SRGAP3: variants seen among roughly 807,000 people sequenced by gnomAD.
SRGAP3 encodes the protein SLIT-ROBO Rho GTPase-activating protein 3.
A neutral mutation model predicts 121.1 loss-of-function variants in SRGAP3; 39 were observed. The observed-to-expected ratio is 0.32, with a 90% CI of 0.25 to 0.42. The LOEUF (loss-of-function observed/expected upper bound fraction) is 0.42, where lower values mean the gene tolerates loss of function less well. Ranked by LOEUF, SRGAP3 falls within the 10% of genes least tolerant of loss-of-function variation. SRGAP3 has a pLI of 1.00. For synonymous variants in SRGAP3, 601 were observed against 570.0 expected (o/e 1.05, Z -0.77); for missense variants, 1,213 against 1,470.6 (o/e 0.82, Z 2.86).
At chr3:9,148,266 A>G (rs1950092294) in intron 1 of SRGAP3, among the ~76,000 whole-genome samples, 7 of 146,674 alleles carry the variant, frequency 4.8e-5, no homozygotes, top group Middle Eastern at 6.9e-3. Context: ...AAAACGCCCT[A>G]GAAAAACCAT....
intron 3 of SRGAP3, among the ~76,000 whole-genome samples, chr3:9,281,238 C>G (rs1954671031): frequency 6.6e-6 from 1 of 152,168 alleles, no homozygotes; most frequent in South Asian, 2.1e-4. Context: ...TTTTAAAGAA[C>G]ATCCTACTGG....
chr3:8,986,495 C>A (rs373292714), intron 21 of SRGAP3, among the ~76,000 whole-genome samples: 58 of 152,338 alleles, frequency 3.8e-4, no homozygotes, highest in Middle Eastern at 3.4e-3. Context: ...AAGGTAGGAA[C>A]TACCTTTATG....
At chr3:9,305,894 G>A (rs1955152924) in intron 3 of SRGAP3, among the ~76,000 whole-genome samples, 1 of 152,148 alleles carries the variant, frequency 6.6e-6, no homozygotes, top group Non-Finnish European at 1.5e-5. Context: ...CTTTATAGTG[G>A]CATGATTTAT....
rs534568855 is a variant in SRGAP3 at position 9,318,521 on chromosome 3, C to T, written n.442+7489G>A. On this transcript the variant is annotated intron_variant and non_coding_transcript_variant, in intron 3 of 3. Transcript: ENST00000490889. ...GGACTCTCTTCAACCCCCTTGCCCT[C>T]ACTTATTTTGGCCACATGCAGGTGC... 1.8e-3 allele frequency among the ~76,000 whole-genome samples: 278 copies of T among 151,910 alleles called. 1 individual carries two copies. The highest frequency in any genetic ancestry group is 3.4e-3 in the Middle Eastern group (1 of 294).
chr3:9,137,963 T>G (rs549639467), intron 1 of SRGAP3, among the ~76,000 whole-genome samples: 38 of 152,232 alleles, frequency 2.5e-4, no homozygotes, highest in Non-Finnish European at 4.7e-4. Context: ...ATTCACGGTT[T>G]TGCTGCCCAA....
At chr3:9,081,476 C>G (rs770825237) in intron 3 of SRGAP3, among the ~76,000 whole-genome samples, 1 of 152,222 alleles carries the variant, frequency 6.6e-6, no homozygotes, top group Non-Finnish European at 1.5e-5. Flanking sequence ...TAAAACAATA[C>G]TTTCCAAAGC....
chr3:8,981,591 C>A lies in SRGAP3; in HGVS notation c.*3928G>T. On this transcript the variant is annotated 3_prime_UTR_variant, in exon 22 of 22. Coordinates refer to ENST00000383836, the MANE Select transcript of SRGAP3 (RefSeq NM_014850.4). ...CTCCACATTCGTGCCTCCTGAATGA[C>A]AGAGAAATATACCCAACAAGGCACT... is the stretch of plus-strand genomic sequence containing the variant. 4.3e-6 allele frequency: 1 copy of A among 232,944 alleles called. No individual in the cohort carries two copies. Among genetic ancestry groups the A allele is most frequent in the Admixed American group, 5.6e-5 (1 of 17,776 alleles). 14.4% of individuals were successfully genotyped at this position (232,944 alleles called of 1,614,324 possible).
At chr3:9,283,633 A>G (rs527838909) in intron 3 of SRGAP3, among the ~76,000 whole-genome samples, 7 of 152,312 alleles carry the variant, frequency 4.6e-5, no homozygotes, top group African/African-American at 1.7e-4. Context: ...TATTTTTGAG[A>G]AATTTTCTGC....
chr3:8,985,614 T>C lies in SRGAP3; in HGVS notation c.3205A>G (p.Ser1069Gly), dbSNP rs139298704. ...PVRPVVQHRS[S>G]SSSSSGVGSP... ...CCCACGCCCGAGCTGCTGCTGCTGC[T>C]GGACCGGTGCTGGACCACCGGCCGC... The change falls in exon 22 of 22, where the codon AGC (serine) becomes GGC (glycine). Residue 1069 changes from serine to glycine, a missense_variant. Coordinates refer to ENST00000383836, the MANE Select transcript of SRGAP3 (RefSeq NM_014850.4). This position sits in a 1 kb window ranked among gnomAD's most constrained non-coding sequence, Gnocchi z 5.1. The C allele has an allele frequency of 3.1e-6, 5 of 1,596,964 alleles. No individual in the cohort carries two copies. In the African/African-American group the frequency reaches 4.0e-5, roughly 13 times the overall value.
intron 1 of SRGAP3, among the ~76,000 whole-genome samples, chr3:9,196,351 G>C (rs1951915625): frequency 6.6e-6 from 1 of 152,204 alleles, no homozygotes; most frequent in African/African-American, 2.4e-5. Flanking sequence ...TGGTGTGCTA[G>C]TTTGCACTAG....
intron 1 of SRGAP3, among the ~76,000 whole-genome samples, chr3:9,141,820 C>A (rs1323688715): frequency 6.6e-6 from 1 of 152,152 alleles, no homozygotes; most frequent in East Asian, 1.9e-4. Flanking sequence ...ATAAACTCTT[C>A]AGGAGACCCT....
At chr3:9,048,326 G>T (rs1453682295) in intron 9 of SRGAP3, among the ~76,000 whole-genome samples, 1 of 152,246 alleles carries the variant, frequency 6.6e-6, no homozygotes, top group Non-Finnish European at 1.5e-5. Flanking sequence ...ATGGCCAGCT[G>T]CTAGAGGGTG....
rs117920600 is a variant in SRGAP3 at position 9,220,224 on chromosome 3, G to A, written c.67+28661C>T. Among the ~76,000 whole-genome samples, 197 of 152,226 alleles carry A rather than the reference G, an allele frequency of 1.3e-3. 2 individuals carry two copies. In the East Asian group the frequency reaches 0.02, roughly 15 times the overall value. On this transcript the variant is annotated intron_variant, in intron 1 of 21. Transcript: ENST00000383836. Reference sequence around the variant, plus strand: ...CACAAAGAAATTATAAAAGTTTGACGTCATAGGAATCCTCAACATCCTGAT... The same window carrying A: ...CACAAAGAAATTATAAAAGTTTGACATCATAGGAATCCTCAACATCCTGAT...
intron 1 of SRGAP3, among the ~76,000 whole-genome samples, chr3:9,340,744 G>C (rs1483795168): frequency 4.6e-5 from 7 of 152,138 alleles, no homozygotes; most frequent in Admixed American, 6.6e-5. Context: ...GAGCCCTGTG[G>C]AAGAGATGTT....
rs534726428 is a variant in SRGAP3, at chr3:9,046,300, A to C, written c.1408+1091T>G. On this transcript the variant is annotated intron_variant, in intron 10 of 21. Coordinates refer to ENST00000383836, the MANE Select transcript of SRGAP3 (RefSeq NM_014850.4). Reference sequence around the variant, plus strand: ...GAGTAGAGTGTGGGGTGCTGACTGCAAAGGAGCACGAGGGAATTTTTGAGG... The same window carrying C: ...GAGTAGAGTGTGGGGTGCTGACTGCCAAGGAGCACGAGGGAATTTTTGAGG... Among the ~76,000 whole-genome samples, 18 of 152,374 alleles carry C rather than the reference A, an allele frequency of 1.2e-4. No homozygotes were observed. The South Asian group carries it at 3.5e-3, about 30-fold the overall frequency.
At chr3:9,069,530 G>A (rs1299455859) in intron 4 of SRGAP3, among the ~76,000 whole-genome samples, 5 of 152,172 alleles carry the variant, frequency 3.3e-5, no homozygotes, top group South Asian at 2.1e-4. Flanking sequence ...GAAGGACTTC[G>A]TAGGGATGTG....
intron 20 of SRGAP3, among the ~76,000 whole-genome samples, chr3:8,992,259 CTG>C (rs1942101405): frequency 6.6e-6 from 1 of 152,090 alleles, no homozygotes; most frequent in Non-Finnish European, 1.5e-5. Flanking sequence ...CAGTGAGAAA[CTG>C]TCAGCTTTTC....
chr3:9,052,992 C>A, intron 9 of SRGAP3, 35 bp downstream of exon 9: 2 of 1,607,838 alleles, frequency 1.2e-6, no homozygotes, highest in Non-Finnish European at 1.7e-6. Flanking sequence ...GTGGCTTGGC[C>A]GACAGTGTGG....
At chr3:9,140,854 C>T (rs542329826) in intron 1 of SRGAP3, among the ~76,000 whole-genome samples, 17 of 152,294 alleles carry the variant, frequency 1.1e-4, no homozygotes, top group Middle Eastern at 3.4e-3. Flanking sequence ...TTTTTTAAGA[C>T]ACTCAATATC....
Sources: allele counts gnomAD v4.1 joint callset (sites outside exome capture counted in the v4.1 genomes callset), GRCh38; gene constraint gnomAD v4.1.1; non-coding constraint Gnocchi (gnomAD v3.1); transcripts MANE v1.5; gene names NCBI Gene and HGNC (gene_info 2026-07-23, HGNC 2026-07-21).